The following ROBO2 variants were observed in gnomAD, a reference collection of about 807,000 sequenced individuals.
ROBO2 encodes roundabout homolog 2.
ROBO2 carries 53 observed loss-of-function variants against 160.8 expected under a neutral mutation model. The ratio of observed to expected loss-of-function variants is 0.33; its 90% CI spans 0.26 to 0.41. The LOEUF (loss-of-function observed/expected upper bound fraction) is 0.41. ROBO2 is among the 10% of genes least tolerant of loss of function. ROBO2 has a pLI of 1.00. For synonymous variants in ROBO2, 664 were observed against 611.7 expected (o/e 1.09, Z -1.26); for missense variants, 1,577 against 1,722.4 (o/e 0.92, Z 1.49).
intron 2 of ROBO2, among the ~76,000 whole-genome samples, chr3:76,470,032 C>T (rs1204667827): frequency 6.6e-6 from 1 of 152,148 alleles, no homozygotes; most frequent in Non-Finnish European, 1.5e-5. Flanking sequence ...ACACACAGGT[C>T]CTGTGAGATA....
chr3:76,877,559 A>T (rs545271391), intron 2 of ROBO2, among the ~76,000 whole-genome samples: 1 of 152,140 alleles, frequency 6.6e-6, no homozygotes, highest in Admixed American at 6.5e-5. Flanking sequence ...AAATGATGAC[A>T]TGTTTGCTTT....
chr3:75,967,451 T>C (rs2107328691), intron 2 of ROBO2, among the ~76,000 whole-genome samples: 1 of 151,638 alleles, frequency 6.6e-6, no homozygotes. Flanking sequence ...TAGGTGTCCC[T>C]AGGATTACTA....
At chr3:76,601,154 C>T (rs1200440768) in intron 2 of ROBO2, among the ~76,000 whole-genome samples, 2 of 152,210 alleles carry the variant, frequency 1.3e-5, no homozygotes, top group Non-Finnish European at 2.9e-5. Flanking sequence ...GGCAGCTCTG[C>T]CCCTGTGGCT....
chr3:76,405,172 C>G (rs1192138124), intron 2 of ROBO2, among the ~76,000 whole-genome samples: 1 of 151,396 alleles, frequency 6.6e-6, no homozygotes, highest in Non-Finnish European at 1.5e-5. Flanking sequence ...CAAATGAACA[C>G]AGATTTAAAT....
chr3:76,452,951 C>T (rs1178569821), intron 2 of ROBO2, among the ~76,000 whole-genome samples: 13 of 151,674 alleles, frequency 8.6e-5, no homozygotes, highest in Admixed American at 3.9e-4. Flanking sequence ...TTTCATGTGT[C>T]TTTTGGCTGC....
intron 2 of ROBO2, among the ~76,000 whole-genome samples, chr3:76,897,836 C>T (rs1028266581): frequency 2.0e-5 from 3 of 151,820 alleles, no homozygotes; most frequent in East Asian, 1.9e-4. Context: ...TGGCTATATC[C>T]GATATTGATA....
intron 20 of ROBO2, chr3:77,604,048 T>C (rs1478650169): frequency 1.3e-5 from 2 of 152,176 alleles, no homozygotes; most frequent in Admixed American, 6.5e-5. Context: ...TAGGGTAACA[T>C]TTTCTAAATT....
At chr3:75,915,976 CTAGA>C (rs1452992250) in intron 1 of ROBO2, among the ~76,000 whole-genome samples, 1 of 152,074 alleles carries the variant, frequency 6.6e-6, no homozygotes. Flanking sequence ...AACAGTATTT[CTAGA>C]TAGATATAGA....
intron 2 of ROBO2, among the ~76,000 whole-genome samples, chr3:76,875,899 C>T (rs1014502651): frequency 2.0e-5 from 3 of 152,038 alleles, no homozygotes; most frequent in Non-Finnish European, 4.4e-5. Context: ...GGTGATCTGC[C>T]TGCTTTGGCC....
chr3:77,126,712 ATT>A (rs1278481390), intron 2 of ROBO2, among the ~76,000 whole-genome samples: 1 of 127,612 alleles, frequency 7.8e-6, no homozygotes, highest in Non-Finnish European at 1.6e-5. Context: ...ATATATATAT[ATT>A]TTTTTTCCTT....
At chr3:77,316,273 A>G (rs1320606686) in intron 2 of ROBO2, among the ~76,000 whole-genome samples, 1 of 152,164 alleles carries the variant, frequency 6.6e-6, no homozygotes, top group African/African-American at 2.4e-5. Context: ...TTTGGTGTAA[A>G]AGAGGTGACG....
intron 2 of ROBO2, among the ~76,000 whole-genome samples, chr3:76,681,215 G>T (rs2092553568): frequency 6.6e-6 from 1 of 152,172 alleles, no homozygotes; most frequent in Non-Finnish European, 1.5e-5. Context: ...GCAATGAAAT[G>T]ATTAGAGAAA....
At chr3:76,948,808 C>T (rs1423149994) in intron 2 of ROBO2, among the ~76,000 whole-genome samples, 9 of 139,618 alleles carry the variant, frequency 6.4e-5, no homozygotes, top group South Asian at 4.4e-4. Context: ...CAGGTTCAAG[C>T]GATTCTCTGC....
intron 2 of ROBO2, among the ~76,000 whole-genome samples, chr3:76,205,557 T>C (rs1702760415): frequency 6.6e-6 from 1 of 152,164 alleles, no homozygotes; most frequent in Admixed American, 6.6e-5. Flanking sequence ...TGTCTTTCAT[T>C]ATCTACTAAG....
At chr3:77,224,188 G>A (rs2086186322) in intron 2 of ROBO2, among the ~76,000 whole-genome samples, 1 of 151,922 alleles carries the variant, frequency 6.6e-6, no homozygotes, top group African/African-American at 2.4e-5. Context: ...ATGCCTATGA[G>A]AAGACAGCTT....
intron 2 of ROBO2, among the ~76,000 whole-genome samples, chr3:76,973,524 C>T (rs1472885498): frequency 6.6e-6 from 1 of 151,600 alleles, no homozygotes; most frequent in Non-Finnish European, 1.5e-5. Context: ...TATAATCAAC[C>T]ACTACTGTAA....
chr3:77,086,099 T>C (rs2069267962), intron 1 of ROBO2, among the ~76,000 whole-genome samples: 2 of 152,090 alleles, frequency 1.3e-5, no homozygotes, highest in Non-Finnish European at 2.9e-5. Context: ...TAAAATAGTT[T>C]AGAGGGACAC....
intron 2 of ROBO2, among the ~76,000 whole-genome samples, chr3:77,165,204 T>G (rs1372309486): frequency 6.6e-6 from 1 of 150,492 alleles, no homozygotes; most frequent in Non-Finnish European, 1.5e-5. Context: ...ACTTTTCATT[T>G]TGTTCTGCAC....
At chr3:77,579,573 A>G (rs2093859510) in intron 15 of ROBO2, among the ~76,000 whole-genome samples, 2 of 152,194 alleles carry the variant, frequency 1.3e-5, no homozygotes, top group Non-Finnish European at 2.9e-5. Context: ...AACAGAGGAA[A>G]TTATGTGTTT....
Sources: allele counts gnomAD v4.1 joint callset (sites outside exome capture counted in the v4.1 genomes callset), GRCh38; gene constraint gnomAD v4.1.1; transcripts MANE v1.5; gene names NCBI Gene and HGNC (gene_info 2026-07-23, HGNC 2026-07-21).